The following ERBB4 variants were observed in gnomAD, a reference collection of about 807,000 sequenced individuals.
ERBB4 encodes the protein erb-b2 receptor tyrosine kinase 4, also known as receptor tyrosine-protein kinase erbB-4.
Under a neutral mutation model 158.0 loss-of-function variants are expected in ERBB4, and 42 were observed. The ratio of observed to expected loss-of-function variants is 0.27; its 90% confidence interval spans 0.21 to 0.34. The LOEUF (loss-of-function observed/expected upper bound fraction) is 0.34, where lower values mean the gene tolerates loss of function less well. Ranked by LOEUF, ERBB4 falls within the 10% of genes least tolerant of loss-of-function variation. The pLI is 1.00. For synonymous variants in ERBB4, 583 were observed against 558.7 expected, an observed-to-expected ratio of 1.04 and a Z score of -0.61; for missense variants, 1,333 against 1,624.1, an observed-to-expected ratio of 0.82 and a Z score of 3.08.
intron 1 of ERBB4, among the ~76,000 whole-genome samples, chr2:212,457,518 A>C (rs1347741320): frequency 6.6e-6 from 1 of 152,044 alleles, no homozygotes; most frequent in Admixed American, 6.6e-5. Context: ...ATTTCATGTT[A>C]ATTGCTTTCT....
chr2:211,522,921 AG>A (rs2066227732), intron 20 of ERBB4, among the ~76,000 whole-genome samples: 1 of 151,946 alleles, frequency 6.6e-6, no homozygotes, highest in South Asian at 2.1e-4. Context: ...ACTTTATTGA[AG>A]TGATCTGGAG....
intron 16 of ERBB4, among the ~76,000 whole-genome samples, chr2:211,653,484 C>G (rs866986652): frequency 1.2e-3 from 177 of 148,334 alleles, no homozygotes; most frequent in African/African-American, 3.8e-3. Flanking sequence ...CCCGCCCCCC[C>G]CCACGCCCGC....
intron 1 of ERBB4, among the ~76,000 whole-genome samples, chr2:212,292,269 G>C (rs2086233802): frequency 6.6e-6 from 1 of 151,866 alleles, no homozygotes; most frequent in South Asian, 2.1e-4. Flanking sequence ...TAATTGGAAA[G>C]ATGCTTAAAA....
intron 20 of ERBB4, among the ~76,000 whole-genome samples, chr2:211,558,709 A>T (rs1482945114): frequency 6.6e-6 from 1 of 152,090 alleles, no homozygotes; most frequent in East Asian, 1.9e-4. Flanking sequence ...CCAACATATA[A>T]ACATAGTGTT....
At chr2:212,044,987 A>T (rs537009417) in intron 2 of ERBB4, among the ~76,000 whole-genome samples, 1 of 152,208 alleles carries the variant, frequency 6.6e-6, no homozygotes, top group South Asian at 2.1e-4. Context: ...TACCCGTCAT[A>T]TATTAACAGT....
At chr2:212,154,718 T>C (rs1352684830) in intron 1 of ERBB4, among the ~76,000 whole-genome samples, 1 of 151,224 alleles carries the variant, frequency 6.6e-6, no homozygotes, top group Non-Finnish European at 1.5e-5. Flanking sequence ...ATTTCTTTTT[T>C]TAAAAGGTAT....
At chr2:212,410,050 TA>T (rs1012308690) in intron 1 of ERBB4, among the ~76,000 whole-genome samples, 3 of 151,734 alleles carry the variant, frequency 2.0e-5, no homozygotes, top group East Asian at 3.9e-4. Context: ...CTGCCTGGAT[TA>T]AAAAAAATAG....
chr2:212,095,025 G>C (rs1468115840), intron 2 of ERBB4, among the ~76,000 whole-genome samples: 1 of 151,460 alleles, frequency 6.6e-6, no homozygotes, highest in African/African-American at 2.4e-5. Flanking sequence ...TCTTTTCTAC[G>C]TAAACATCAA....
At chr2:211,993,400 C>A (rs1447999553) in intron 2 of ERBB4, among the ~76,000 whole-genome samples, 1 of 152,090 alleles carries the variant, frequency 6.6e-6, no homozygotes, top group Non-Finnish European at 1.5e-5. Context: ...GGACAGCCAG[C>A]CTCTAGAACT....
rs1382638119 is a variant in ERBB4, at chr2:212,417,921, A to T, written c.82+120528T>A. On this transcript the variant is annotated intron_variant, in intron 1 of 27. Transcript: ENST00000342788. ...TTAAGAGATGGGGCCTTTTAGAAAT[A>T]ATTAGGTTTAGATGCAGTCATAAGG... Among the ~76,000 whole-genome samples the T allele has an allele frequency of 2.6e-5, 4 of 151,986 alleles. No homozygotes were observed. The South Asian group carries it at 8.3e-4, about 31-fold the overall frequency.
chr2:211,935,843 G>A (rs1411105280), intron 3 of ERBB4, among the ~76,000 whole-genome samples: 10 of 152,102 alleles, frequency 6.6e-5, no homozygotes, highest in Admixed American at 2.0e-4. Context: ...AGGATGAAGA[G>A]AGATCATATT....
intron 1 of ERBB4, among the ~76,000 whole-genome samples, chr2:212,327,769 G>C (rs1199791557): frequency 8.3e-6 from 1 of 120,888 alleles, no homozygotes; most frequent in Non-Finnish European, 1.7e-5. Flanking sequence ...TCTAAAATTA[G>C]ATTCTGATGT....
intron 2 of ERBB4, among the ~76,000 whole-genome samples, chr2:212,042,146 G>C (rs545561602): frequency 6.6e-6 from 1 of 152,140 alleles, no homozygotes; most frequent in East Asian, 1.9e-4. Flanking sequence ...TTCAGTATGG[G>C]TAAGTGCTCA....
chr2:211,728,248 T>A (rs544259590), intron 5 of ERBB4, among the ~76,000 whole-genome samples: 1 of 151,866 alleles, frequency 6.6e-6, no homozygotes. Flanking sequence ...AACATATTAT[T>A]ATTTATTCCA....
intron 7 of ERBB4, among the ~76,000 whole-genome samples, chr2:211,721,362 T>G (rs1200383042): frequency 6.7e-6 from 1 of 148,158 alleles, no homozygotes; most frequent in African/African-American, 2.5e-5. Context: ...CTATAAATAA[T>G]TCTTTTAAAT....
chr2:212,434,001 T>C (rs1304597992), intron 1 of ERBB4, among the ~76,000 whole-genome samples: 1 of 151,984 alleles, frequency 6.6e-6, no homozygotes, highest in East Asian at 1.9e-4. Flanking sequence ...AGGAAACCAA[T>C]AATTCACAAA....
chr2:211,941,680 A>T, intron 3 of ERBB4, among the ~76,000 whole-genome samples: 1 of 151,616 alleles, frequency 6.6e-6, no homozygotes, highest in East Asian at 1.9e-4. Flanking sequence ...GATCTTAAGC[A>T]CAAAGTAGTT....
chr2:211,597,433 A>G (rs1275463362), intron 19 of ERBB4, among the ~76,000 whole-genome samples: 1 of 152,224 alleles, frequency 6.6e-6, no homozygotes, highest in African/African-American at 2.4e-5. Context: ...GAATCTATTA[A>G]CACTCTTTTT....
In ERBB4 at chr2:211,382,510, CA is replaced by C. The variant is rs1389407875; in HGVS notation, c.*1104del. 1.7e-5 allele frequency: 4 copies of C among 232,436 alleles called. No individual in the cohort carries two copies. Among genetic ancestry groups the C allele is most frequent in the Non-Finnish European group, 8.5e-6 (1 of 117,428 alleles). 14.4% of individuals were successfully genotyped at this position (232,436 alleles called of 1,614,324 possible). On this transcript the variant is annotated 3_prime_UTR_variant, in exon 28 of 28. Coordinates refer to ENST00000342788, the MANE Select transcript of ERBB4 (RefSeq NM_005235.3). ...TCCAAAATGGAGTTCAGAAAAAGAA[CA>C]AATAAAATTACAGCTTAAGTGCAAA...
Sources: allele counts gnomAD v4.1 joint callset (sites outside exome capture counted in the v4.1 genomes callset), GRCh38; gene constraint gnomAD v4.1.1; transcripts MANE v1.5; gene names NCBI Gene and HGNC (gene_info 2026-07-23, HGNC 2026-07-21).